PDE11A: variants seen among roughly 807,000 people sequenced by gnomAD.
PDE11A encodes the protein phosphodiesterase 11A.
Under a neutral mutation model 100.5 loss-of-function variants are expected in PDE11A, and 100 were observed. That is an observed-to-expected ratio of 1.00 (90% CI 0.85 to 1.18). PDE11A has a LOEUF of 1.18. Among genes scored for constraint, PDE11A ranks in the 50% most tolerant of loss-of-function variants. PDE11A has a pLI of 0.00. For synonymous variants in PDE11A, 381 were observed against 420.8 expected, an observed-to-expected ratio of 0.91 and a Z score of 1.16; for missense variants, 1,141 against 1,152.6, an observed-to-expected ratio of 0.99 and a Z score of 0.15.
intron 3 of PDE11A, among the ~76,000 whole-genome samples, chr2:177,899,800 T>C (rs1019386546): frequency 5.3e-5 from 8 of 150,246 alleles, no homozygotes; most frequent in African/African-American, 1.5e-4. Flanking sequence ...CACATACATA[T>C]GTACCCTCCT....
chr2:177,950,292 C>T (rs147043542), intron 2 of PDE11A, among the ~76,000 whole-genome samples: 15 of 152,110 alleles, frequency 9.9e-5, no homozygotes, highest in African/African-American at 3.6e-4. Context: ...GAATGTCTTG[C>T]CTTCACTCTT....
intron 2 of PDE11A, among the ~76,000 whole-genome samples, chr2:177,924,992 T>C: frequency 2.7e-5 from 4 of 150,212 alleles, no homozygotes; most frequent in African/African-American, 9.9e-5. Flanking sequence ...TGGTTTTTTG[T>C]TCTTGCGATA....
At chr2:177,663,303 C>G (rs1475662864) in intron 19 of PDE11A, among the ~76,000 whole-genome samples, 1 of 145,846 alleles carries the variant, frequency 6.9e-6, no homozygotes, top group East Asian at 1.9e-4. Flanking sequence ...GGATTTGTCT[C>G]ATGCATCTCA....
rs151260283 is a variant in PDE11A at position 177,675,098 on chromosome 2, A to G, written c.2487+357T>C. On this transcript the variant is annotated intron_variant, in intron 17 of 19. Coordinates refer to ENST00000286063, the MANE Select transcript of PDE11A (RefSeq NM_016953.4). The stretch of plus-strand genomic sequence containing the variant: ...TTCCTTTTTGCCTCCTTTTATTTTC[A>G]GATATTAAAAAAAAAGAAAACAAGA... Among the ~76,000 whole-genome samples the G allele has an allele frequency of 1.1e-4, 17 of 151,088 alleles. No homozygotes were observed. The East Asian group carries it at 3.2e-3, about 29-fold the overall frequency.
chr2:178,074,891 A>G (rs1172116373), upstream of PDE11A, among the ~76,000 whole-genome samples: 2 of 152,170 alleles, frequency 1.3e-5, no homozygotes, highest in East Asian at 3.9e-4. Flanking sequence ...AAAGTGACAG[A>G]AAGCACACAT....
At chr2:178,018,616 C>G (rs2086369703) in intron 1 of PDE11A, among the ~76,000 whole-genome samples, 1 of 152,180 alleles carries the variant, frequency 6.6e-6, no homozygotes, top group Non-Finnish European at 1.5e-5. Flanking sequence ...GCAATCATAG[C>G]TCACTTTCAT....
At chr2:177,870,922 A>T (rs374424163) in intron 5 of PDE11A, among the ~76,000 whole-genome samples, 7 of 152,184 alleles carry the variant, frequency 4.6e-5, no homozygotes, top group African/African-American at 1.4e-4. Context: ...AAAAGTATTC[A>T]TTCTGGAAAT....
chr2:177,978,827 C>CA (rs2085838193), intron 2 of PDE11A, among the ~76,000 whole-genome samples: 1 of 74,546 alleles, frequency 1.3e-5, no homozygotes, highest in Admixed American at 1.4e-4. Flanking sequence ...ATTGCAAGAA[C>CA]AAAAAACCAA....
intron 19 of PDE11A, among the ~76,000 whole-genome samples, chr2:177,633,091 AC>A (rs1429230025): frequency 1.3e-5 from 2 of 152,246 alleles, no homozygotes; most frequent in Non-Finnish European, 2.9e-5. Flanking sequence ...GTGATTTCCC[AC>A]TTTATGCTTT....
At chr2:178,068,711 G>A (rs1041681158) in intron 1 of PDE11A, among the ~76,000 whole-genome samples, 6 of 151,278 alleles carry the variant, frequency 4.0e-5, no homozygotes, top group Admixed American at 2.6e-4. Context: ...GAAGGTTGTC[G>A]GTTTTCATTA....
chr2:177,864,592 A>C (rs2083997769), intron 5 of PDE11A, among the ~76,000 whole-genome samples: 1 of 152,188 alleles, frequency 6.6e-6, no homozygotes, highest in Non-Finnish European at 1.5e-5. Flanking sequence ...AAAGAAAATA[A>C]AATTACATAA....
chr2:177,677,726 A>AAAC (rs1049940933), intron 16 of PDE11A, among the ~76,000 whole-genome samples: 27 of 152,210 alleles, frequency 1.8e-4, no homozygotes, highest in African/African-American at 6.5e-4. Flanking sequence ...GAACTGAAGA[A>AAAC]AACAAATGAG....
chr2:177,787,848 T>A (rs1246549753), intron 9 of PDE11A, among the ~76,000 whole-genome samples: 1 of 152,124 alleles, frequency 6.6e-6, no homozygotes, highest in Non-Finnish European at 1.5e-5. Context: ...CTATCCTAAA[T>A]ATATATGCAC....
intron 12 of PDE11A, among the ~76,000 whole-genome samples, chr2:177,719,232 A>G (rs2081489268): frequency 6.6e-6 from 1 of 152,172 alleles, no homozygotes; most frequent in Admixed American, 6.5e-5. Context: ...CAACTATCGG[A>G]AGTATTGAAT....
chr2:178,001,954 G>A (rs1432547801), intron 2 of PDE11A, among the ~76,000 whole-genome samples: 1 of 151,898 alleles, frequency 6.6e-6, no homozygotes, highest in Non-Finnish European at 1.5e-5. Flanking sequence ...ATATAGGTGA[G>A]GTTTGTTACA....
intron 2 of PDE11A, among the ~76,000 whole-genome samples, chr2:178,085,049 G>A (rs771205269): frequency 6.6e-6 from 1 of 152,188 alleles, no homozygotes; most frequent in African/African-American, 2.4e-5. Context: ...TCTAGAATGA[G>A]AAGATACTTG....
At chr2:177,912,936 T>C (rs948697812) in intron 2 of PDE11A, among the ~76,000 whole-genome samples, 1 of 152,154 alleles carries the variant, frequency 6.6e-6, no homozygotes, top group African/African-American at 2.4e-5. Context: ...AGAAGGAAAG[T>C]AGATTAGTGG....
intron 2 of PDE11A, among the ~76,000 whole-genome samples, chr2:178,080,333 G>T (rs986654502): frequency 2.0e-5 from 3 of 152,144 alleles, no homozygotes; most frequent in African/African-American, 7.2e-5. Flanking sequence ...TAAGATGTAA[G>T]GAAGGGGTTC....
chr2:177,922,651 T>C (rs1383617564), intron 2 of PDE11A: 1 of 974,244 alleles, frequency 1.0e-6, no homozygotes, highest in Non-Finnish European at 1.2e-6. Context: ...CTCAACATTG[T>C]CTGCTTCCTT....
Sources: gnomAD v4.1 joint callset for allele counts (sites outside exome capture counted in the v4.1 genomes callset) on GRCh38, gnomAD v4.1.1 for gene constraint, MANE v1.5 for transcripts, NCBI Gene and HGNC (gene_info 2026-07-23, HGNC 2026-07-21) for gene names.